The following JCAD variants were observed in gnomAD, a reference collection of about 807,000 sequenced individuals.
The protein encoded by JCAD is junctional cadherin 5-associated protein.
JCAD carries 40 observed loss-of-function variants against 98.0 expected under a neutral mutation model. That is an observed-to-expected ratio of 0.41 (90% CI 0.32 to 0.53). The LOEUF (loss-of-function observed/expected upper bound fraction) is 0.53. Among genes scored for constraint, JCAD ranks in the 20% least tolerant of loss-of-function variants. JCAD has a pLI of 0.31. For synonymous variants in JCAD, 691 were observed against 682.3 expected, an observed-to-expected ratio of 1.01 and a Z score of -0.20; for missense variants, 1,705 against 1,738.1, an observed-to-expected ratio of 0.98 and a Z score of 0.34.
At chr10:30,026,065 T>C in intron 3 of JCAD, 38 bp downstream of exon 3, 3 of 1,613,038 alleles carry the variant, frequency 1.9e-6, no homozygotes, top group Non-Finnish European at 2.5e-6. Context: ...AAACTCCAAA[T>C]GTATACTGAG....
chr10:30,092,047 AAAAAAAAAAAAAAAAAAATATAT>A (rs1564469816), intron 1 of JCAD, among the ~76,000 whole-genome samples: 1 of 39,686 alleles, frequency 2.5e-5, no homozygotes, highest in African/African-American at 1.8e-4. Context: ...AAAAAAAAAA[AAAAAAAAAAAAAAAAAAATATAT>A]ATATATATAT....
At chr10:30,034,253 A>G (rs1000076251) in intron 2 of JCAD, among the ~76,000 whole-genome samples, 6 of 151,014 alleles carry the variant, frequency 4.0e-5, no homozygotes, top group African/African-American at 1.2e-4. Context: ...TAATAATGAT[A>G]ATAACAATAA....
chr10:30,108,821 A>G (rs892304800), intron 1 of JCAD, among the ~76,000 whole-genome samples: 24 of 152,102 alleles, frequency 1.6e-4, no homozygotes, highest in Non-Finnish European at 2.6e-4. Context: ...TCCCTGTGAA[A>G]TATAAGGGCC....
At position 30,014,857 on chromosome 10, in the gene JCAD, C is replaced by G. The variant is rs1248942342; in HGVS notation, c.*3026G>C. On this transcript the variant is annotated 3_prime_UTR_variant, in exon 4 of 4. Transcript: ENST00000375377. ...CGTGAATGAAACCCGCAACCTACAACTCTGCTAAGGAAACCAGGATCTCAA... is the reference window on the plus strand; with the variant it reads ...CGTGAATGAAACCCGCAACCTACAAGTCTGCTAAGGAAACCAGGATCTCAA... 6.6e-6 allele frequency: 1 copy of G among 152,166 alleles called. No individual in the cohort carries two copies. Among genetic ancestry groups the G allele is most frequent in the African/African-American group, 2.4e-5 (1 of 41,422 alleles). 9.4% of individuals were successfully genotyped at this position (152,166 alleles called of 1,614,324 possible). A position where few individuals can be genotyped will look rare whatever the true frequency, so the allele number is the denominator to read the frequency against.
intron 2 of JCAD, among the ~76,000 whole-genome samples, chr10:30,066,119 G>C (rs1837780101): frequency 6.6e-6 from 1 of 152,186 alleles, no homozygotes. Context: ...CAGTAGCCGT[G>C]AACGTCATTG....
At chr10:30,057,040 C>G (rs1056193492) in intron 1 of JCAD, among the ~76,000 whole-genome samples, 1 of 152,130 alleles carries the variant, frequency 6.6e-6, no homozygotes, top group African/African-American at 2.4e-5. Context: ...TGTTAAAAAC[C>G]CAAGTAAACT....
At chr10:30,092,449 T>A (rs1838300591) in intron 1 of JCAD, among the ~76,000 whole-genome samples, 1 of 152,026 alleles carries the variant, frequency 6.6e-6, no homozygotes, top group African/African-American at 2.4e-5. Flanking sequence ...ACTCCCACTC[T>A]CCCATCTAGT....
intron 1 of JCAD, among the ~76,000 whole-genome samples, chr10:30,078,741 G>T (rs766999348): frequency 5.9e-5 from 9 of 152,200 alleles, no homozygotes; most frequent in African/African-American, 1.2e-4. Flanking sequence ...TTTAGAAGTA[G>T]ATGTATCTGA....
intron 1 of JCAD, among the ~76,000 whole-genome samples, chr10:30,081,676 C>T (rs1195092354): frequency 6.6e-6 from 1 of 152,186 alleles, no homozygotes; most frequent in Non-Finnish European, 1.5e-5. Flanking sequence ...AAGTGATCCA[C>T]TCACCTCAGC....
chr10:30,067,227 T>C (rs958581129), intron 2 of JCAD, among the ~76,000 whole-genome samples: 6 of 151,890 alleles, frequency 4.0e-5, no homozygotes, highest in Admixed American at 6.6e-5. Context: ...GTAAAAAGAA[T>C]GCCTCCATTT....
chr10:30,078,310 C>T (rs1487007795), intron 1 of JCAD, among the ~76,000 whole-genome samples: 2 of 152,238 alleles, frequency 1.3e-5, no homozygotes, highest in South Asian at 4.1e-4. Context: ...TCATACCACA[C>T]AGCACAGACT....
chr10:30,054,761 TG>T (rs1491440467), intron 1 of JCAD, among the ~76,000 whole-genome samples: 5 of 150,818 alleles, frequency 3.3e-5, no homozygotes, highest in African/African-American at 1.2e-4. Context: ...CTCCGCCCCC[TG>T]GGGTTCACGC....
intron 2 of JCAD, among the ~76,000 whole-genome samples, chr10:30,066,127 T>TTGTATGA (rs1370784560): frequency 6.6e-6 from 1 of 152,180 alleles, no homozygotes; most frequent in Non-Finnish European, 1.5e-5. Flanking sequence ...GTGAACGTCA[T>TTGTATGA]TGTATGATGA....
intron 1 of JCAD, among the ~76,000 whole-genome samples, chr10:30,114,578 TAAAAA>T (rs11360136): frequency 1.1e-3 from 131 of 124,658 alleles, no homozygotes; most frequent in East Asian, 1.4e-3. Context: ...ACAGCACAAT[TAAAAA>T]AAAAAAAAAA....
At position 30,047,580 on chromosome 10, in the gene JCAD, C is replaced by A. The variant is rs571453669; in HGVS notation, c.233G>T (p.Gly78Val). ...DSESRRSTPR[G>V]HGEPQSTSAS... is the part of the protein sequence containing the mutation. ...AGAAGTGCTCTGGGGCTCCCCGTGG[C>A]CTCTCGGTGTGCTGCGGCGGCTTTC... Residue 78 changes from glycine (G) to valine (V), a missense_variant, in exon 2 of 4, where the codon GGC (glycine) becomes GTC (valine). Physicochemically the swap from Gly to Val is moderately radical, Grantham distance 109 (BLOSUM62 -3). This residue lies in a region of JCAD where 152 missense variants were observed against 148.0 expected (regional missense o/e 1.03). Transcript: ENST00000375377. The A allele has an allele frequency of 6.2e-6, 10 of 1,614,132 alleles. No individual in the cohort carries two copies. The South Asian group carries it at 6.6e-5, about 11-fold the overall frequency.
chr10:30,111,466 G>A (rs1680435226), intron 1 of JCAD, among the ~76,000 whole-genome samples: 1 of 152,124 alleles, frequency 6.6e-6, no homozygotes, highest in Admixed American at 6.6e-5. Flanking sequence ...TACATATTGA[G>A]TTCCCACAGT....
intron 1 of JCAD, among the ~76,000 whole-genome samples, chr10:30,084,947 T>C (rs1342663182): frequency 6.6e-6 from 1 of 152,194 alleles, no homozygotes; most frequent in Non-Finnish European, 1.5e-5. Flanking sequence ...ATTTGCACTC[T>C]GGAAATAATC....
At chr10:30,095,529 C>A (rs938528178) in intron 1 of JCAD, among the ~76,000 whole-genome samples, 3 of 152,238 alleles carry the variant, frequency 2.0e-5, no homozygotes, top group Non-Finnish European at 4.4e-5. Flanking sequence ...CCCCGTTCGA[C>A]CTGCTCTGAC....
intron 1 of JCAD, among the ~76,000 whole-genome samples, chr10:30,091,022 G>A (rs1298894372): frequency 6.6e-6 from 1 of 152,166 alleles, no homozygotes; most frequent in Non-Finnish European, 1.5e-5. Context: ...GCACACGCTG[G>A]TCGTCATCTT....
Sources: allele counts gnomAD v4.1 joint callset (sites outside exome capture counted in the v4.1 genomes callset), GRCh38; gene constraint gnomAD v4.1.1; regional missense constraint gnomAD v4.1.1; transcripts MANE v1.5; gene names NCBI Gene and HGNC (gene_info 2026-07-23, HGNC 2026-07-21).